Variants in RPS6KC1 observed in about 807,000 individuals in gnomAD.
The protein encoded by RPS6KC1 is inactive ribosomal protein S6 kinase delta-1.
In RPS6KC1, 54 loss-of-function variants were observed where a neutral mutation model predicts 103.8. The ratio of observed to expected loss-of-function variants is 0.52; its 90% confidence interval spans 0.42 to 0.65. RPS6KC1 has a LOEUF of 0.65. Ranked by LOEUF, RPS6KC1 falls within the 30% of genes least tolerant of loss-of-function variation. The probability of loss-of-function intolerance (pLI) is 0.00; values close to 1 mark genes in which losing one functional copy is unlikely to be tolerated. For synonymous variants in RPS6KC1, 439 were observed against 438.7 expected (o/e 1.00, Z -0.01); for missense variants, 1,151 against 1,253.8 (o/e 0.92, Z 1.24).
At chr1:213,728,906 C>T in the RPS6KC1 span, among the ~76,000 whole-genome samples, 2 of 133,994 alleles carry the variant, frequency 1.5e-5, no homozygotes, top group East Asian at 4.8e-4. Flanking sequence ...AGAAGTATAA[C>T]TTAGGTTTCC....
the RPS6KC1 span, among the ~76,000 whole-genome samples, chr1:213,438,737 T>C: frequency 2.6e-5 from 4 of 152,242 alleles, no homozygotes; most frequent in East Asian, 7.7e-4. Flanking sequence ...ACAAAAGCTA[T>C]TGAAAATTTT....
At chr1:213,390,879 G>A in the RPS6KC1 span, among the ~76,000 whole-genome samples, 1 of 152,166 alleles carries the variant, frequency 6.6e-6, no homozygotes, top group African/African-American at 2.4e-5. Context: ...GGGAGGCAAA[G>A]GGTTTTATAG....
chr1:213,206,922 C>T (rs1216735881), intron 8 of RPS6KC1, among the ~76,000 whole-genome samples: 1 of 152,058 alleles, frequency 6.6e-6, no homozygotes, highest in African/African-American at 2.4e-5. Context: ...ACCAGCGTGG[C>T]CAGCATGGTG....
the RPS6KC1 span, among the ~76,000 whole-genome samples, chr1:213,433,427 AT>A: frequency 6.6e-6 from 1 of 152,234 alleles, no homozygotes; most frequent in Non-Finnish European, 1.5e-5. Flanking sequence ...GAGTGTGGAC[AT>A]TTGGAAGATT....
chr1:213,821,261 A>G, the RPS6KC1 span: 1 of 152,296 alleles, frequency 6.6e-6, no homozygotes, highest in African/African-American at 2.4e-5. Flanking sequence ...CAGTGGTCTC[A>G]ATCCATGCCT....
chr1:213,183,415 C>T (rs979464133), intron 8 of RPS6KC1, among the ~76,000 whole-genome samples: 2 of 152,080 alleles, frequency 1.3e-5, no homozygotes, highest in African/African-American at 4.8e-5. Flanking sequence ...AAAACCTCAA[C>T]AAATTTGGAA....
the RPS6KC1 span, among the ~76,000 whole-genome samples, chr1:213,416,194 C>G: frequency 3.3e-5 from 5 of 152,174 alleles, no homozygotes; most frequent in African/African-American, 7.2e-5. Context: ...AGAGCATGCC[C>G]GTCTCTGTCC....
At chr1:213,527,857 C>T in the RPS6KC1 span, among the ~76,000 whole-genome samples, 1 of 151,910 alleles carries the variant, frequency 6.6e-6, no homozygotes, top group Non-Finnish European at 1.5e-5. Context: ...AGATGATGAA[C>T]ATACATTTTG....
At chr1:213,333,293 T>C in the RPS6KC1 span, among the ~76,000 whole-genome samples, 1 of 152,182 alleles carries the variant, frequency 6.6e-6, no homozygotes, top group South Asian at 2.1e-4. Context: ...TACTTGGAGA[T>C]CTATGGTTTT....
chr1:213,388,172 T>C, the RPS6KC1 span, among the ~76,000 whole-genome samples: 1 of 152,252 alleles, frequency 6.6e-6, no homozygotes, highest in Admixed American at 6.5e-5. Flanking sequence ...TCCAAGAGCA[T>C]GCATGATGCT....
chr1:213,659,664 C>T, the RPS6KC1 span, among the ~76,000 whole-genome samples: 1 of 151,304 alleles, frequency 6.6e-6, no homozygotes, highest in Non-Finnish European at 1.5e-5. Flanking sequence ...TGCTTACTGG[C>T]ATAAATGTTC....
intron 8 of RPS6KC1, among the ~76,000 whole-genome samples, chr1:213,195,744 A>T (rs936419150): frequency 4.6e-5 from 7 of 152,154 alleles, no homozygotes; most frequent in African/African-American, 1.7e-4. Context: ...CTTCACTTAG[A>T]ATAATGGTCT....
the RPS6KC1 span, among the ~76,000 whole-genome samples, chr1:213,826,875 T>C: frequency 6.6e-6 from 1 of 152,126 alleles, no homozygotes; most frequent in Non-Finnish European, 1.5e-5. Context: ...AGAGCCAAGA[T>C]TTCACGACAG....
At chr1:213,166,105 A>G (rs930802765) in intron 6 of RPS6KC1, among the ~76,000 whole-genome samples, 1 of 152,022 alleles carries the variant, frequency 6.6e-6, no homozygotes, top group African/African-American at 2.4e-5. Context: ...GACATTTCGA[A>G]TTCCAAATTA....
the RPS6KC1 span, among the ~76,000 whole-genome samples, chr1:213,630,711 T>G: frequency 4.1e-4 from 62 of 152,354 alleles, no homozygotes; most frequent in African/African-American, 1.4e-3. Flanking sequence ...TGTGGTTTTA[T>G]CTACCTTTGG....
At chr1:213,737,151 T>G in the RPS6KC1 span, among the ~76,000 whole-genome samples, 123,690 of 152,242 alleles carry the variant, frequency 0.81, 50,942 homozygotes, top group African/African-American at 0.95. Context: ...AAAAGCCAAG[T>G]TCTGTAAAAA....
chr1:213,311,263 T>C, the RPS6KC1 span, among the ~76,000 whole-genome samples: 5 of 151,822 alleles, frequency 3.3e-5, no homozygotes, highest in African/African-American at 4.8e-5. Flanking sequence ...CTCAGCCTCC[T>C]GAGTAGCTGG....
At chr1:213,677,891 A>T in the RPS6KC1 span, among the ~76,000 whole-genome samples, 1 of 152,078 alleles carries the variant, frequency 6.6e-6, no homozygotes, top group East Asian at 1.9e-4. Flanking sequence ...CTGTAATCCC[A>T]GCTACTCGGG....
intron 1 of RPS6KC1, among the ~76,000 whole-genome samples, chr1:213,055,537 C>T (rs568405454): frequency 1.3e-5 from 2 of 152,234 alleles, no homozygotes; most frequent in African/African-American, 4.8e-5. Flanking sequence ...CATTCATATA[C>T]AAGTCTTTGT....
Sources: allele counts gnomAD v4.1 joint callset (sites outside exome capture counted in the v4.1 genomes callset), GRCh38; gene constraint gnomAD v4.1.1; transcripts MANE v1.5; gene names NCBI Gene and HGNC (gene_info 2026-07-23, HGNC 2026-07-21).